The following GRAP2 variants were observed in gnomAD, a reference collection of about 807,000 sequenced individuals.
GRAP2 encodes the protein GRB2-related adapter protein 2.
GRAP2 carries 31 observed loss-of-function variants against 43.5 expected under a neutral mutation model. The observed-to-expected ratio is 0.71, with a 90% CI of 0.54 to 0.96. The LOEUF is 0.96. GRAP2 is among the 40% of genes least tolerant of loss of function. The pLI, the probability that GRAP2 is intolerant of heterozygous loss-of-function variation, is 0.00. For synonymous variants in GRAP2, 156 were observed against 164.8 expected, an observed-to-expected ratio of 0.95 and a Z score of 0.41; for missense variants, 371 against 424.4, an observed-to-expected ratio of 0.87 and a Z score of 1.11.
At chr22:39,958,467 G>A (rs1374842780) in intron 3 of GRAP2, among the ~76,000 whole-genome samples, 2 of 152,168 alleles carry the variant, frequency 1.3e-5, no homozygotes, top group African/African-American at 4.8e-5. Context: ...GGGCAGGGGT[G>A]TGTGTCTGTT....
intron 1 of GRAP2, among the ~76,000 whole-genome samples, chr22:39,939,541 G>C (rs950445133): frequency 8.1e-6 from 1 of 123,426 alleles, no homozygotes; most frequent in Non-Finnish European, 1.6e-5. Context: ...CAGCCTGGGG[G>C]ACAGAGTGAG....
chr22:39,969,923 A>C (rs1042837111), intron 7 of GRAP2, among the ~76,000 whole-genome samples: 1 of 152,218 alleles, frequency 6.6e-6, no homozygotes, highest in East Asian at 1.9e-4. Flanking sequence ...TCAAAAAACA[A>C]AACAAAACAA....
intron 1 of GRAP2, among the ~76,000 whole-genome samples, chr22:39,939,109 A>C (rs1274761275): frequency 6.6e-6 from 1 of 152,234 alleles, no homozygotes; most frequent in Non-Finnish European, 1.5e-5. Context: ...CCAGCCAACT[A>C]GCCAGAAAGG....
At chr22:39,964,516 G>A (rs1006051760) in intron 4 of GRAP2, 21 of 947,308 alleles carry the variant, frequency 2.2e-5, no homozygotes, top group Admixed American at 9.1e-5. Context: ...AGCGAAGGTC[G>A]TGGGGAAGGG....
At chr22:39,957,063 T>C (rs781016740) in intron 3 of GRAP2, among the ~76,000 whole-genome samples, 2 of 152,140 alleles carry the variant, frequency 1.3e-5, no homozygotes, top group Non-Finnish European at 2.9e-5. Context: ...AAAATTGAGA[T>C]TGGGCTTCGT....
intron 1 of GRAP2, among the ~76,000 whole-genome samples, chr22:39,903,133 G>A (rs969740433): frequency 6.6e-6 from 1 of 152,150 alleles, no homozygotes; most frequent in African/African-American, 2.4e-5. Context: ...GCAATTGTTC[G>A]AAAATGTGTC....
At chr22:39,929,211 G>C (rs1436908147) in intron 1 of GRAP2, among the ~76,000 whole-genome samples, 1 of 152,158 alleles carries the variant, frequency 6.6e-6, no homozygotes, top group Non-Finnish European at 1.5e-5. Flanking sequence ...AGGGGAAGTG[G>C]GGTGAAGAGT....
upstream of GRAP2, among the ~76,000 whole-genome samples, chr22:39,899,319 A>G (rs926339315): frequency 1.4e-4 from 21 of 152,192 alleles, no homozygotes; most frequent in African/African-American, 4.8e-4. Context: ...ACACCATGAT[A>G]CTTTCCATGT....
upstream of GRAP2, among the ~76,000 whole-genome samples, chr22:39,898,349 A>G (rs1282937596): frequency 1.3e-5 from 2 of 152,152 alleles, no homozygotes; most frequent in Non-Finnish European, 2.9e-5. Flanking sequence ...GAGGGCAGAG[A>G]TTATGTTTTG....
intron 2 of GRAP2, among the ~76,000 whole-genome samples, chr22:39,949,563 A>C (rs1221894971): frequency 6.6e-6 from 1 of 152,196 alleles, no homozygotes; most frequent in Non-Finnish European, 1.5e-5. Flanking sequence ...CTTCACCAGA[A>C]AGGAGTGTGA....
intron 4 of GRAP2, chr22:39,964,503 A>G: frequency 9.7e-7 from 1 of 1,031,716 alleles, no homozygotes; most frequent in Non-Finnish European, 1.5e-6. Flanking sequence ...TCGAGGTGCT[A>G]AAAGCGAAGG....
At chr22:39,898,756 T>C (rs898821518), upstream of GRAP2, among the ~76,000 whole-genome samples, 1 of 152,180 alleles carries the variant, frequency 6.6e-6, no homozygotes, top group African/African-American at 2.4e-5. Context: ...GAGGTTGCAG[T>C]GAGCCAAGAT....
At chr22:39,900,718 G>T (rs1460737210), upstream of GRAP2, among the ~76,000 whole-genome samples, 1 of 152,186 alleles carries the variant, frequency 6.6e-6, no homozygotes, top group Non-Finnish European at 1.5e-5. Context: ...GAGGCTGAGT[G>T]TATGAACAAA....
At chr22:39,929,267 GGAAAGAGA>G (rs891619359) in intron 1 of GRAP2, among the ~76,000 whole-genome samples, 9 of 152,044 alleles carry the variant, frequency 5.9e-5, no homozygotes, top group African/African-American at 1.9e-4. Context: ...AGAGACAGAG[GGAAAGAGA>G]GAAAGAGAGA....
At chr22:39,926,849 A>G in intron 1 of GRAP2, 2 of 984,540 alleles carry the variant, frequency 2.0e-6, no homozygotes, top group Non-Finnish European at 2.4e-6. Flanking sequence ...GGCTGACATA[A>G]TCAAGTAAGT....
intron 1 of GRAP2, among the ~76,000 whole-genome samples, chr22:39,937,860 G>C (rs1427899079): frequency 2.6e-5 from 4 of 151,784 alleles, no homozygotes; most frequent in Non-Finnish European, 5.9e-5. Context: ...TGGCAAATTA[G>C]GGAAAAAAGA....
At chr22:39,961,799 AT>A (rs1256966472) in intron 4 of GRAP2, among the ~76,000 whole-genome samples, 1 of 152,242 alleles carries the variant, frequency 6.6e-6, no homozygotes, top group African/African-American at 2.4e-5. Context: ...TATTCAATAT[AT>A]TTTGAAAGGC....
rs962443427 is a variant in GRAP2, at chr22:39,947,559, T to C, written c.78+375T>C. ...ACGTCAGGAATGCACTGAAGGTGAC[T>C]TGGGCTTTTAGCTAAAGCTCAGAGA... On this transcript the variant is annotated intron_variant, in intron 2 of 7. Coordinates refer to ENST00000344138, the MANE Select transcript of GRAP2 (RefSeq NM_004810.4). 46 of 211,962 alleles carry C rather than the reference T, an allele frequency of 2.2e-4. 1 individual carries two copies. Among genetic ancestry groups the C allele is most frequent in the African/African-American group, 9.8e-4 (43 of 43,730 alleles). The allele number at this position is 211,962 out of a possible 1,614,324, so 13.1% of individuals were successfully genotyped here. A position where few individuals can be genotyped will look rare whatever the true frequency, so the allele number is the denominator to read the frequency against.
At chr22:39,949,005 G>A (rs974109600) in intron 2 of GRAP2, among the ~76,000 whole-genome samples, 4 of 152,058 alleles carry the variant, frequency 2.6e-5, no homozygotes, top group African/African-American at 9.7e-5. Context: ...TATCACCTCT[G>A]TGCCAAAGAC....
Sources: gnomAD v4.1 joint callset for allele counts (sites outside exome capture counted in the v4.1 genomes callset) on GRCh38, gnomAD v4.1.1 for gene constraint, MANE v1.5 for transcripts, NCBI Gene and HGNC (gene_info 2026-07-23, HGNC 2026-07-21) for gene names.